Variants in SNTG1 observed in about 807,000 individuals in gnomAD.
The protein encoded by SNTG1 is syntrophin gamma 1.
SNTG1 carries 39 observed loss-of-function variants against 74.7 expected under a neutral mutation model. The ratio of observed to expected loss-of-function variants is 0.52; its 90% confidence interval spans 0.40 to 0.68. The LOEUF is 0.68. Ranked by LOEUF, SNTG1 falls within the 30% of genes least tolerant of loss-of-function variation. The probability of loss-of-function intolerance (pLI) is 0.00; values close to 1 mark genes in which losing one functional copy is unlikely to be tolerated. For missense variants in SNTG1, 685 were observed against 609.5 expected (o/e 1.12, Z -1.30); for synonymous variants, 254 against 217.1 (o/e 1.17, Z -1.49).
At chr8:50,731,255 G>A (rs147463973) in intron 17 of SNTG1, among the ~76,000 whole-genome samples, 5 of 152,180 alleles carry the variant, frequency 3.3e-5, no homozygotes, top group African/African-American at 4.8e-5. Flanking sequence ...GGCACAAAAG[G>A]AGATAAACAG....
chr8:50,577,519 C>T (rs1463541130), intron 12 of SNTG1, among the ~76,000 whole-genome samples: 4 of 147,450 alleles, frequency 2.7e-5, no homozygotes, highest in South Asian at 2.1e-4. Context: ...ATAATGGCCT[C>T]GTAAAATGAG....
chr8:49,938,721 G>T (rs1452329455), intron 1 of SNTG1, among the ~76,000 whole-genome samples: 4 of 134,150 alleles, frequency 3.0e-5, no homozygotes, highest in South Asian at 2.5e-4. Flanking sequence ...TTGTTTCTTG[G>T]ACTTCATAAC....
intron 2 of SNTG1, among the ~76,000 whole-genome samples, chr8:50,356,309 A>G (rs1263863816): frequency 1.3e-5 from 2 of 152,126 alleles, no homozygotes; most frequent in African/African-American, 4.8e-5. Flanking sequence ...ATCTCCCTTC[A>G]GGATTCCTAA....
At chr8:50,391,081 GCC>G (rs2131293385) in intron 2 of SNTG1, among the ~76,000 whole-genome samples, 1 of 152,042 alleles carries the variant, frequency 6.6e-6, no homozygotes, top group African/African-American at 2.4e-5. Context: ...CTGTCTGATT[GCC>G]CTGGCCAGAA....
rs549566457 is a variant in SNTG1, at chr8:50,148,685, A to G, written c.-102-23876A>G. 1.3e-5 allele frequency among the ~76,000 whole-genome samples: 2 copies of G among 152,288 alleles called. 1 individual carries two copies. The highest frequency in any genetic ancestry group is 4.1e-4 in the South Asian group (2 of 4,826). ...TTGTTCTTGTGATAGTTGGCTGAGA[A>G]TGATGGTTTGCAGCTTCATCCATGT... On this transcript the variant is annotated intron_variant, in intron 1 of 18. Transcript: ENST00000642720.
intron 2 of SNTG1, among the ~76,000 whole-genome samples, chr8:50,261,622 A>G (rs956939241): frequency 4.6e-5 from 7 of 152,174 alleles, no homozygotes; most frequent in Admixed American, 4.6e-4. Flanking sequence ...AAGTAATGAC[A>G]GAAGAAATGG....
intron 13 of SNTG1, among the ~76,000 whole-genome samples, chr8:50,605,739 G>A (rs1042525318): frequency 6.6e-6 from 1 of 152,078 alleles, no homozygotes; most frequent in Admixed American, 6.6e-5. Flanking sequence ...TCTTTCAATC[G>A]TGCTATTTGA....
intron 15 of SNTG1, among the ~76,000 whole-genome samples, chr8:50,679,865 A>T (rs2095324195): frequency 6.6e-6 from 1 of 152,156 alleles, no homozygotes; most frequent in Admixed American, 6.5e-5. Flanking sequence ...ACTCAATTAC[A>T]ACTACATACA....
intron 2 of SNTG1, among the ~76,000 whole-genome samples, chr8:50,342,912 T>C (rs890498423): frequency 1.3e-5 from 2 of 152,162 alleles, no homozygotes; most frequent in Non-Finnish European, 2.9e-5. Flanking sequence ...GTTCTAGAGA[T>C]ATGGGGCCAT....
intron 13 of SNTG1, among the ~76,000 whole-genome samples, chr8:50,626,751 A>G (rs1323250402): frequency 1.3e-5 from 2 of 152,076 alleles, no homozygotes; most frequent in Admixed American, 1.3e-4. Flanking sequence ...ATTCTGATAA[A>G]CCCACAACCT....
intron 12 of SNTG1, among the ~76,000 whole-genome samples, chr8:50,562,496 T>C (rs2094494281): frequency 6.6e-6 from 1 of 152,212 alleles, no homozygotes; most frequent in South Asian, 2.1e-4. Flanking sequence ...GCTGCACTTC[T>C]ACTCTAGAGC....
At chr8:50,184,075 G>T (rs1376126067) in intron 2 of SNTG1, among the ~76,000 whole-genome samples, 1 of 152,006 alleles carries the variant, frequency 6.6e-6, no homozygotes, top group South Asian at 2.1e-4. Flanking sequence ...TTCTGAAATT[G>T]TATCTTACTT....
chr8:50,576,325 A>G (rs533769788), intron 12 of SNTG1, among the ~76,000 whole-genome samples: 1 of 152,158 alleles, frequency 6.6e-6, no homozygotes, highest in South Asian at 2.1e-4. Context: ...ATTCTATTCT[A>G]TGTATCTATG....
chr8:50,011,098 C>T (rs939297681), intron 1 of SNTG1, among the ~76,000 whole-genome samples: 2 of 151,916 alleles, frequency 1.3e-5, no homozygotes, highest in Non-Finnish European at 2.9e-5. Context: ...TTCACATGGC[C>T]CTGCTTTGAA....
chr8:50,668,675 G>A (rs2095262756), intron 15 of SNTG1, among the ~76,000 whole-genome samples: 1 of 151,720 alleles, frequency 6.6e-6, no homozygotes, highest in South Asian at 2.1e-4. Context: ...AACAGGCCCT[G>A]ATGTGTGTTG....
chr8:50,669,472 C>G (rs1242383333), intron 15 of SNTG1, among the ~76,000 whole-genome samples: 1 of 152,054 alleles, frequency 6.6e-6, no homozygotes, highest in Non-Finnish European at 1.5e-5. Context: ...ACACATACAC[C>G]ATCCCAAGAC....
intron 1 of SNTG1, among the ~76,000 whole-genome samples, chr8:50,008,607 A>G (rs530223382): frequency 1.6e-4 from 24 of 152,306 alleles, no homozygotes; most frequent in African/African-American, 5.3e-4. Context: ...TGGATAGACA[A>G]ATGGATGGAT....
chr8:50,084,445 T>G (rs532553655), intron 1 of SNTG1, among the ~76,000 whole-genome samples: 37 of 152,046 alleles, frequency 2.4e-4, no homozygotes, highest in South Asian at 6.2e-4. Context: ...GGTGACAGAG[T>G]GAGACTCCAT....
At chr8:50,157,673 G>A (rs753412912) in intron 1 of SNTG1, among the ~76,000 whole-genome samples, 1 of 152,020 alleles carries the variant, frequency 6.6e-6, no homozygotes, top group Non-Finnish European at 1.5e-5. Flanking sequence ...GTGATATTTA[G>A]GACTTTTCAT....
Sources: allele counts gnomAD v4.1 joint callset (sites outside exome capture counted in the v4.1 genomes callset), GRCh38; gene constraint gnomAD v4.1.1; transcripts MANE v1.5; gene names NCBI Gene and HGNC (gene_info 2026-07-23, HGNC 2026-07-21).